TBC1D1: variants seen among roughly 807,000 people sequenced by gnomAD.
TBC1D1 encodes the protein TBC1 domain family member 1, also known as TBC1 (tre-2/USP6, BUB2, cdc16) domain family, member 1.
In TBC1D1, 89 loss-of-function variants were observed where a neutral mutation model predicts 125.6. The observed-to-expected ratio is 0.71, with a 90% CI of 0.60 to 0.85. The LOEUF is 0.85. TBC1D1 is among the 40% of genes least tolerant of loss of function. The probability of loss-of-function intolerance (pLI) is 0.00; values close to 1 mark genes in which losing one functional copy is unlikely to be tolerated. For missense variants in TBC1D1, 1,377 were observed against 1,469.2 expected (o/e 0.94, Z 1.03); for synonymous variants, 565 against 564.1 (o/e 1.00, Z -0.02).
chr4:37,954,385 T>C (rs910420190), intron 2 of TBC1D1, among the ~76,000 whole-genome samples: 4 of 96,554 alleles, frequency 4.1e-5, no homozygotes, highest in African/African-American at 9.0e-5. Flanking sequence ...CATTCATTCA[T>C]TCAGTAAAAA....
intron 14 of TBC1D1, among the ~76,000 whole-genome samples, chr4:38,098,008 T>G (rs149465144): frequency 1.9e-3 from 286 of 152,366 alleles, no homozygotes; most frequent in African/African-American, 6.6e-3. Flanking sequence ...CGTACTGCAC[T>G]GCCTCCTGTT....
chr4:37,903,198 A>G (rs1277066932), intron 2 of TBC1D1, among the ~76,000 whole-genome samples: 2 of 152,036 alleles, frequency 1.3e-5, no homozygotes, highest in Non-Finnish European at 2.9e-5. Context: ...TTATTATCAC[A>G]TGATATGGCT....
chr4:37,979,298 T>C (rs1318657848), intron 2 of TBC1D1, among the ~76,000 whole-genome samples: 1 of 152,240 alleles, frequency 6.6e-6, no homozygotes, highest in Non-Finnish European at 1.5e-5. Context: ...TTTCATTTCC[T>C]GTAGGTGGTG....
intron 17 of TBC1D1, among the ~76,000 whole-genome samples, chr4:38,121,662 A>G (rs1387078096): frequency 2.0e-5 from 3 of 152,092 alleles, no homozygotes; most frequent in Non-Finnish European, 4.4e-5. Flanking sequence ...AATGCAGGAC[A>G]TTTGCTCACT....
intron 14 of TBC1D1, among the ~76,000 whole-genome samples, chr4:38,098,840 T>A (rs1046635200): frequency 2.0e-5 from 3 of 152,138 alleles, no homozygotes; most frequent in Non-Finnish European, 1.5e-5. Context: ...TTCCTCATAG[T>A]GACATAAAAG....
chr4:37,991,465 G>A (rs1736551612), intron 2 of TBC1D1, among the ~76,000 whole-genome samples: 1 of 152,114 alleles, frequency 6.6e-6, no homozygotes, highest in South Asian at 2.1e-4. Flanking sequence ...GGCAGAGGGT[G>A]ACTCTACCCT....
chr4:38,059,008 C>T (rs1287953939), intron 12 of TBC1D1, among the ~76,000 whole-genome samples: 1 of 152,110 alleles, frequency 6.6e-6, no homozygotes, highest in African/African-American at 2.4e-5. Flanking sequence ...TTGTCTCAAA[C>T]AAAATTAGTC....
chr4:38,099,087 AG>A (rs1759857581), intron 14 of TBC1D1, among the ~76,000 whole-genome samples: 1 of 152,222 alleles, frequency 6.6e-6, no homozygotes, highest in Non-Finnish European at 1.5e-5. Flanking sequence ...TGCTGACAGT[AG>A]GGGCCAGATG....
chr4:38,063,623 A>C (rs1753149703), intron 12 of TBC1D1, among the ~76,000 whole-genome samples: 1 of 151,644 alleles, frequency 6.6e-6, no homozygotes, highest in Non-Finnish European at 1.5e-5. Flanking sequence ...ACCACAGTCT[A>C]ATTTTTTTTA....
chr4:38,089,353 C>T (rs1486624586), intron 12 of TBC1D1, among the ~76,000 whole-genome samples: 1 of 152,206 alleles, frequency 6.6e-6, no homozygotes, highest in African/African-American at 2.4e-5. Flanking sequence ...CTATTAAATA[C>T]ATTTTAATCT....
chr4:38,054,128 A>G, intron 11 of TBC1D1, 71 bp from the exon 14 acceptor site: 1 of 1,518,074 alleles, frequency 6.6e-7, no homozygotes, highest in Middle Eastern at 1.7e-4. Context: ...TTTGTTTAAA[A>G]AAATGTTAAG....
chr4:37,980,652 T>C (rs1734167193), intron 2 of TBC1D1, among the ~76,000 whole-genome samples: 1 of 152,230 alleles, frequency 6.6e-6, no homozygotes, highest in Non-Finnish European at 1.5e-5. Flanking sequence ...GAACTAAATA[T>C]AGCCAAGTTT....
chr4:37,924,126 C>G (rs753225474), intron 2 of TBC1D1, among the ~76,000 whole-genome samples: 1 of 152,160 alleles, frequency 6.6e-6, no homozygotes, highest in Non-Finnish European at 1.5e-5. Flanking sequence ...GCTCCTGCCT[C>G]AGCTCCTGAG....
In TBC1D1 at chr4:37,925,170, C is replaced by A. The variant is rs147120151; in HGVS notation, c.417+22658C>A. Among the ~76,000 whole-genome samples the A allele has an allele frequency of 1.0e-3, 159 of 152,328 alleles. 1 individual carries two copies. Among genetic ancestry groups the A allele is most frequent in the African/African-American group, 3.5e-3 (145 of 41,572 alleles). ...CCGAGGCACACAGTCACACGTCATA[C>A]CTAGTGTTCTCTCCCGTGAATTCGA... On this transcript the variant is annotated intron_variant, in intron 2 of 19. Coordinates refer to ENST00000261439, the MANE Select transcript of TBC1D1 (RefSeq NM_015173.4).
chr4:37,907,466 C>T (rs934502165), intron 2 of TBC1D1, among the ~76,000 whole-genome samples: 13 of 152,110 alleles, frequency 8.5e-5, no homozygotes, highest in East Asian at 3.9e-4. Context: ...CTGTAACCTC[C>T]GCCTCTCGGG....
In TBC1D1 at chr4:38,059,037, G is replaced by C. The variant is rs151282712; in HGVS notation, c.2050+4699G>C. Among the ~76,000 whole-genome samples the C allele has an allele frequency of 1.3e-3, 195 of 152,240 alleles. 5 individuals carry two copies. The East Asian group carries it at 0.031, about 24-fold the overall frequency. ...ATTAGTCTGCCTCTTGTTTACTCAG[G>C]GATGTGTGACTGTTTTCTATGCACA... is the stretch of plus-strand genomic sequence containing the variant. On this transcript the variant is annotated intron_variant, in intron 12 of 19. Coordinates refer to ENST00000261439, the MANE Select transcript of TBC1D1 (RefSeq NM_015173.4).
intron 15 of TBC1D1, among the ~76,000 whole-genome samples, chr4:38,109,902 T>G (rs1761948798): frequency 6.6e-6 from 1 of 152,222 alleles, no homozygotes; most frequent in Non-Finnish European, 1.5e-5. Context: ...GTATCCCAGA[T>G]CTTCATCCAG....
At chr4:38,048,769 A>G (rs1181149707) in intron 10 of TBC1D1, among the ~76,000 whole-genome samples, 2 of 152,186 alleles carry the variant, frequency 1.3e-5, no homozygotes, top group African/African-American at 4.8e-5. Flanking sequence ...TATATTGGCC[A>G]CTAGCCACGT....
intron 2 of TBC1D1, among the ~76,000 whole-genome samples, chr4:38,004,039 A>G (rs1437977317): frequency 6.6e-6 from 1 of 152,154 alleles, no homozygotes; most frequent in Non-Finnish European, 1.5e-5. Flanking sequence ...TTAGTAGAAG[A>G]GGAGTCGAGG....
Sources: allele counts gnomAD v4.1 joint callset (sites outside exome capture counted in the v4.1 genomes callset), GRCh38; gene constraint gnomAD v4.1.1; transcripts MANE v1.5; gene names NCBI Gene and HGNC (gene_info 2026-07-23, HGNC 2026-07-21).